The following DEAF1 variants were observed in gnomAD, a reference collection of about 807,000 sequenced individuals.
DEAF1 encodes the protein DEAF1 transcription factor, also known as deformed epidermal autoregulatory factor 1 homolog.
Under a neutral mutation model 58.9 loss-of-function variants are expected in DEAF1, and 53 were observed. The observed-to-expected ratio is 0.90, with a 90% CI of 0.72 to 1.13. The LOEUF is 1.13. Among genes scored for constraint, DEAF1 ranks in the 50% most tolerant of loss-of-function variants. The probability of loss-of-function intolerance (pLI) is 0.00; values close to 1 mark genes in which losing one functional copy is unlikely to be tolerated. For synonymous variants in DEAF1, 385 were observed against 340.4 expected (o/e 1.13, Z -1.44); for missense variants, 685 against 791.4 (o/e 0.87, Z 1.61).
chr11:680,771 G>A (rs913122435), intron 7 of DEAF1, among the ~76,000 whole-genome samples, 192 bp downstream of exon 7: 5 of 152,232 alleles, frequency 3.3e-5, no homozygotes, highest in African/African-American at 4.8e-5. Context: ...AAGCAAGACC[G>A]AGCTGGGCAC....
chr11:695,499 C>A, upstream of DEAF1: 1 of 889,886 alleles, frequency 1.1e-6, no homozygotes, highest in Non-Finnish European at 1.5e-6. Flanking sequence ...CGGCGCAATT[C>A]TGCCTCTCAG....
rs1377730093 is a variant in DEAF1, at chr11:688,450, G to A, written c.398C>T (p.Thr133Met). Reference sequence around the variant, plus strand: ...CAGGCTGTCCCCGATCTGAAGGGCCGTCCTACCAGACTAGAAGGAAAAACC... The same window carrying A: ...CAGGCTGTCCCCGATCTGAAGGGCCATCCTACCAGACTAGAAGGAAAAACC... ...SISGHVLSGRTALQIGDSLNT... is the reference protein window; with the variant it reads ...SISGHVLSGRMALQIGDSLNT... The change falls in exon 3 of 12, where the codon ACG becomes ATG. Residue 133 changes from threonine to methionine, a missense_variant. Coordinates refer to ENST00000382409, the MANE Select transcript of DEAF1 (RefSeq NM_021008.4). The surrounding 1 kb of genome is among the most constrained non-coding windows in gnomAD (Gnocchi z 4.3). 1.2e-6 allele frequency: 2 copies of A among 1,613,620 alleles called. No homozygotes were observed. Among genetic ancestry groups the A allele is most frequent in the African/African-American group, 1.3e-5 (1 of 74,860 alleles).
intron 9 of DEAF1, 107 bp from the exon 10 acceptor site, chr11:674,890 A>G (rs930368700): frequency 6.7e-7 from 1 of 1,491,296 alleles, no homozygotes; most frequent in African/African-American, 1.4e-5. Context: ...CACGCCTGTA[A>G]TCCCAGCACT....
chr11:697,601 CA>C (rs1861260262), upstream of DEAF1: 1 of 152,184 alleles, frequency 6.6e-6, no homozygotes, highest in South Asian at 2.1e-4. Flanking sequence ...CTAGCAGACA[CA>C]TTGGAAGTGT....
At position 658,357 on chromosome 11, in the gene DEAF1, A is replaced by G. The variant is rs540503210; in HGVS notation, c.1504-4306T>C. ...GGCAGGAGAATGGCATGAACCCAGGAGGTGGAGCTTGCAGTGAGCCGAGAA... is the reference window on the plus strand; with the variant it reads ...GGCAGGAGAATGGCATGAACCCAGGGGGTGGAGCTTGCAGTGAGCCGAGAA... On this transcript the variant is annotated intron_variant, in intron 10 of 11. Transcript: ENST00000382409. Among the ~76,000 whole-genome samples the G allele has an allele frequency of 4.9e-3, 751 of 152,300 alleles. 5 individuals carry two copies. The highest frequency in any genetic ancestry group is 0.017 in the African/African-American group (720 of 41,556).
In DEAF1 at chr11:684,887, T is replaced by C. The variant is rs1256912932; in HGVS notation, c.870+11A>G. ...CCAAGTCATCCTGTTCCAGACACGC[T>C]GGCCACTTACTAAGGTCATGTCGTC... On this transcript the variant is annotated intron_variant, in intron 6 of 11. Coordinates refer to ENST00000382409, the MANE Select transcript of DEAF1 (RefSeq NM_021008.4). 13 of 1,551,422 alleles carry C rather than the reference T, an allele frequency of 8.4e-6. No individual in the cohort carries two copies. The highest frequency in any genetic ancestry group is 7.8e-5 in the Admixed American group (4 of 50,988).
At chr11:663,818 G>A (rs918786630) in intron 10 of DEAF1, among the ~76,000 whole-genome samples, 2 of 152,230 alleles carry the variant, frequency 1.3e-5, no homozygotes, top group Non-Finnish European at 2.9e-5. Flanking sequence ...GGTCCGGTCT[G>A]CTGGACTCTA....
chr11:687,301 C>T (rs1328776002), intron 4 of DEAF1, among the ~76,000 whole-genome samples: 1 of 152,250 alleles, frequency 6.6e-6, no homozygotes, highest in African/African-American at 2.4e-5. Flanking sequence ...CCCAAGCTAA[C>T]CTGGCAACTT....
chr11:704,346 G>T, intron 1 of DEAF1: 1 of 899,386 alleles, frequency 1.1e-6, no homozygotes, highest in Non-Finnish European at 1.5e-6. Flanking sequence ...CTGTGGCTGT[G>T]GCACCTGGAC....
intron 10 of DEAF1, among the ~76,000 whole-genome samples, chr11:658,253 CCT>C (rs1358369786): frequency 6.6e-6 from 1 of 152,100 alleles, no homozygotes; most frequent in Admixed American, 6.6e-5. Flanking sequence ...ACGGTGAAAC[CCT>C]GTCTCTACTA....
At chr11:660,392 G>T (rs1253078286) in intron 10 of DEAF1, among the ~76,000 whole-genome samples, 1 of 152,198 alleles carries the variant, frequency 6.6e-6, no homozygotes, top group East Asian at 1.9e-4. Context: ...CTCATCCCAG[G>T]TCAGGCAGGG....
At position 700,851 on chromosome 11, in the gene DEAF1, C is replaced by G. The variant is rs1014427554; in HGVS notation, c.-438+5721G>C. 8 of 771,704 alleles carry G rather than the reference C, an allele frequency of 1.0e-5. No individual in the cohort carries two copies. In the South Asian group the frequency reaches 1.2e-4, roughly 11 times the overall value. The allele number at this position is 771,704 out of a possible 1,614,324, so 47.8% of individuals were successfully genotyped here. ...CTTACCCAGTTGCTTTGCAGGCTCACCTTACAGTGTCATTAAGTATTAATC... is the reference window on the plus strand; with the variant it reads ...CTTACCCAGTTGCTTTGCAGGCTCAGCTTACAGTGTCATTAAGTATTAATC... On this transcript the variant is annotated intron_variant, in intron 1 of 11. Transcript: ENST00000683307.
chr11:678,304 T>C lies in DEAF1; in HGVS notation c.1255+390A>G, dbSNP rs533250032. The C allele has an allele frequency of 4.4e-5, 12 of 272,666 alleles. No homozygotes were observed. The East Asian group carries it at 1.1e-3, about 24-fold the overall frequency. 16.9% of individuals were successfully genotyped at this position (272,666 alleles called of 1,614,324 possible). ...GATTTAGGCCACATTTAGGCCTTGG[T>C]TTTTCTTTCTTTCACCAGATACCGA... On this transcript the variant is annotated intron_variant, in intron 9 of 11. Transcript: ENST00000382409.
intron 2 of DEAF1, among the ~76,000 whole-genome samples, chr11:689,242 G>C (rs1180490139): frequency 8.9e-6 from 1 of 112,394 alleles, no homozygotes; most frequent in Non-Finnish European, 1.7e-5. Flanking sequence ...GACTCGTTCT[G>C]TCACCCAGGC....
Position 700,376 on chromosome 11 carries a change from AAGT to A in DEAF1, c.-438+6193_-438+6195del, listed in dbSNP as rs1481930521. 15 of 817,740 alleles carry A rather than the reference AAGT, an allele frequency of 1.8e-5. No homozygotes were observed. The East Asian group carries it at 3.0e-4, about 17-fold the overall frequency. The allele number at this position is 817,740 out of a possible 1,614,324, so 50.7% of individuals were successfully genotyped here. ...ACCCCATCTCTACTAAAAACACAAA[AAGT>A]AGCCGGGCGTGGTGGTGGGCGCCTG... On this transcript the variant is annotated intron_variant, in intron 1 of 11. Coordinates refer to the DEAF1 transcript ENST00000683307.
intron 11 of DEAF1, among the ~76,000 whole-genome samples, chr11:650,257 C>T (rs1399478734): frequency 6.6e-6 from 1 of 150,576 alleles, no homozygotes; most frequent in African/African-American, 2.5e-5. Context: ...GCCTGTAATC[C>T]CAGCTACTTG....
upstream of DEAF1, chr11:695,373 C>A: frequency 2.4e-6 from 1 of 420,666 alleles, no homozygotes; most frequent in East Asian, 3.6e-5. Context: ...TCCGAGTCCT[C>A]ACGAGGGCTT....
chr11:703,286 A>G (rs905474056), intron 1 of DEAF1: 5 of 1,438,262 alleles, frequency 3.5e-6, no homozygotes, highest in African/African-American at 1.4e-5. Context: ...GGATGGTTCC[A>G]TCTGTTCTGG....
intron 10 of DEAF1, among the ~76,000 whole-genome samples, chr11:672,441 C>T (rs1859871600): frequency 6.6e-6 from 1 of 151,686 alleles, no homozygotes; most frequent in African/African-American, 2.4e-5. Flanking sequence ...CGTAACAAAC[C>T]CCTAACATTG....
Sources: gnomAD v4.1 joint callset for allele counts (sites outside exome capture counted in the v4.1 genomes callset) on GRCh38, gnomAD v4.1.1 for gene constraint, Gnocchi (gnomAD v3.1) non-coding constraint, MANE v1.5 for transcripts, NCBI Gene and HGNC (gene_info 2026-07-23, HGNC 2026-07-21) for gene names.